Variants in MED14 observed in about 807,000 individuals in gnomAD.
MED14 encodes the protein mediator of RNA polymerase II transcription subunit 14.
MED14 carries 8 observed loss-of-function variants against 109.0 expected under a neutral mutation model. The ratio of observed to expected loss-of-function variants is 0.07; its 90% confidence interval spans 0.04 to 0.13. The LOEUF is 0.13. MED14 is among the 10% of genes least tolerant of loss of function. MED14 has a pLI of 1.00. For missense variants in MED14, 711 were observed against 1,142.4 expected (o/e 0.62, Z 5.44); for synonymous variants, 399 against 408.7 (o/e 0.98, Z 0.29).
At chrX:40,700,005 T>C (rs1361236040) in intron 12 of MED14, among the ~76,000 whole-genome samples, 2 of 109,276 alleles carry the variant, frequency 1.8e-5, no homozygotes, top group Non-Finnish European at 3.8e-5. Context: ...AAAAATTAGT[T>C]TGGCATGGTG....
At chrX:40,722,093 A>G (rs1931740283) in intron 3 of MED14, among the ~76,000 whole-genome samples, 1 of 111,565 alleles carries the variant, frequency 9.0e-6, no homozygotes, top group African/African-American at 3.3e-5. Context: ...GGAAAACAGG[A>G]CCTCACCAAA....
intron 8 of MED14, among the ~76,000 whole-genome samples, chrX:40,710,559 C>T (rs1931303979): frequency 8.9e-6 from 1 of 111,810 alleles, no homozygotes; most frequent in Admixed American, 9.5e-5. Context: ...AAGTTTTTAA[C>T]AGGCACAATT....
At chrX:40,729,167 C>T in intron 2 of MED14, 152 bp downstream of exon 2, 1 of 479,292 alleles carries the variant, frequency 2.1e-6, no homozygotes, top group South Asian at 3.6e-5. Context: ...TTACATTTCC[C>T]AGGACTCCCT....
chrX:40,657,974 A>G (rs1929118604), intron 28 of MED14, among the ~76,000 whole-genome samples: 1 of 109,117 alleles, frequency 9.2e-6, no homozygotes, highest in South Asian at 3.9e-4. Flanking sequence ...TTGTATTTTT[A>G]GTAGAGACGA....
In MED14 at chrX:40,680,881, T is replaced by C. The variant is rs1182371652; in HGVS notation, c.2487A>G (p.Gln829=). Residue 829 remains glutamine (Q), a synonymous_variant, in exon 20 of 31, where the codon CAA becomes CAG. Transcript: ENST00000324817. ...SISIQWNSIH[Q]KFHISLGTVG... is the part of the protein sequence containing the mutation. ...CAGTTCCCAAAGAAATGTGGAATTT[T>C]TGATGGATCGAATTCCATTGGATAC... is the stretch of plus-strand genomic sequence containing the variant. 1 of 1,194,029 alleles carries C rather than the reference T, an allele frequency of 8.4e-7. No homozygotes were observed. The highest frequency in any genetic ancestry group is 3.0e-5 in the East Asian group (1 of 33,686).
intron 2 of MED14, among the ~76,000 whole-genome samples, chrX:40,728,727 T>G (rs1042670335): frequency 4.5e-5 from 5 of 112,251 alleles, no homozygotes; most frequent in Non-Finnish European, 7.5e-5. Flanking sequence ...AACCAAAATG[T>G]TAACTATGTA....
In MED14 at chrX:40,711,207, C is replaced by A; in HGVS notation, c.984G>T (p.Arg328Ser). The change falls in exon 8 of 31, where the codon AGG (arginine) becomes AGT (serine). Residue 328 changes from arginine to serine, a missense_variant. Arg to Ser is a moderately radical substitution (Grantham distance 110). Coordinates refer to ENST00000324817, the MANE Select transcript of MED14 (RefSeq NM_004229.4). ...ERWGDLVQVE[R>S]YHAGKCLSLS... is the part of the protein sequence containing the mutation. ...GGGAGAGGCACTTTCCAGCATGATA[C>A]CTTTCCACCTGCACAAGGTCTCCCC... The A allele has an allele frequency of 8.3e-7, 1 of 1,211,102 alleles. No homozygotes were observed. Among genetic ancestry groups the A allele is most frequent in the Non-Finnish European group, 1.1e-6 (1 of 894,912 alleles).
chrX:40,652,015 A>C (rs1928897468), intron 30 of MED14, 136 bp from the exon 31 acceptor site: 2 of 620,866 alleles, frequency 3.2e-6, no homozygotes, highest in East Asian at 8.4e-5. Context: ...TTAACTGCCC[A>C]GATTATTGGG....
intron 7 of MED14, 123 bp downstream of exon 7, chrX:40,712,063 G>C (rs771193498): frequency 2.2e-6 from 1 of 450,848 alleles, no homozygotes; most frequent in Non-Finnish European, 3.9e-6. Context: ...ACCTCAAAAA[G>C]GGTGGGGGAG....
At chrX:40,717,624 G>C (rs1193387755) in intron 3 of MED14, among the ~76,000 whole-genome samples, 2 of 111,474 alleles carry the variant, frequency 1.8e-5, no homozygotes, top group South Asian at 3.8e-4. Flanking sequence ...CCGGGTTCAA[G>C]CAATTCTCCT....
intron 21 of MED14, among the ~76,000 whole-genome samples, chrX:40,676,563 T>C (rs1929915836): frequency 8.9e-6 from 1 of 111,954 alleles, no homozygotes; most frequent in South Asian, 3.7e-4. Context: ...TGAGATACTT[T>C]GGAACTGGCA....
chrX:40,708,915 T>TAA (rs1250984252), intron 10 of MED14, among the ~76,000 whole-genome samples: 2 of 112,230 alleles, frequency 1.8e-5, no homozygotes, highest in Non-Finnish European at 3.8e-5. Context: ...GAAAAAAGTT[T>TAA]AAAAATAAGG....
At position 40,666,797 on chromosome X, in the gene MED14, G is replaced by C. The variant is rs1363623608; in HGVS notation, c.3188C>G (p.Ala1063Gly). The C allele has an allele frequency of 8.4e-7, 1 of 1,194,695 alleles. No homozygotes were observed. Among genetic ancestry groups the C allele is most frequent in the Non-Finnish European group, 1.1e-6 (1 of 886,313 alleles). ...TGGGGGAGGAGTTGGAACAAATGACGCTGGTGATGGGGCTCTCAAAGCCCC... is the reference window on the plus strand; with the variant it reads ...TGGGGGAGGAGTTGGAACAAATGACCCTGGTGATGGGGCTCTCAAAGCCCC... Reference protein sequence around the residue: ...PSGALRAPSPASFVPTPPPSS... With the variant: ...PSGALRAPSPGSFVPTPPPSS... Residue 1063 changes from alanine to glycine, a missense_variant, in exon 24 of 31, where the codon GCG (alanine) becomes GGG (glycine). Ala to Gly is a moderately conservative substitution (Grantham distance 60). Transcript: ENST00000324817.
intron 16 of MED14, among the ~76,000 whole-genome samples, chrX:40,683,962 T>C (rs1453474940): frequency 8.9e-6 from 1 of 112,022 alleles, no homozygotes; most frequent in Non-Finnish European, 1.9e-5. Flanking sequence ...TAATATATTT[T>C]AGCTATTCAT....
chrX:40,706,692 A>C (rs1025498640), intron 10 of MED14, among the ~76,000 whole-genome samples: 1 of 112,083 alleles, frequency 8.9e-6, no homozygotes, highest in African/African-American at 3.2e-5. Flanking sequence ...ACCTAGGTGA[A>C]CAGCACACAA....
rs962169887 is a variant in MED14 at position 40,654,035 on chromosome X, A to C, written c.4291+329T>G. 2.5e-5 allele frequency: 5 copies of C among 201,456 alleles called. No homozygotes were observed. In the Admixed American group the frequency reaches 3.4e-4, roughly 14 times the overall value. The allele number at this position is 201,456 out of a possible 1,213,427, so 16.6% of individuals were successfully genotyped here. On this transcript the variant is annotated intron_variant, in intron 30 of 30. Transcript: ENST00000324817. ...TATTGATGGTAGGGCAGGAATTCACAGCCGTGGAAAATTCTATCATCCTAA... is the reference window on the plus strand; with the variant it reads ...TATTGATGGTAGGGCAGGAATTCACCGCCGTGGAAAATTCTATCATCCTAA...
chrX:40,715,981 C>A (rs945418872), intron 3 of MED14, among the ~76,000 whole-genome samples: 7 of 110,162 alleles, frequency 6.4e-5, no homozygotes, highest in Non-Finnish European at 1.3e-4. Flanking sequence ...ACATAAGGAA[C>A]TCAACTCAAT....
At chrX:40,714,178 C>A (rs1417379772) in intron 4 of MED14, among the ~76,000 whole-genome samples, 1 of 111,741 alleles carries the variant, frequency 8.9e-6, no homozygotes, top group African/African-American at 3.3e-5. Context: ...TCCACAAGTT[C>A]TTACAAGTAT....
At chrX:40,681,017 AT>A (rs915902141) in intron 19 of MED14, 107 bp from the exon 20 acceptor site, 143 of 558,694 alleles carry the variant, frequency 2.6e-4, no homozygotes, top group African/African-American at 3.8e-4. Context: ...TCTAAATGGA[AT>A]TTTTTTTTGG....
Sources: gnomAD v4.1 joint callset for allele counts (sites outside exome capture counted in the v4.1 genomes callset) on GRCh38, gnomAD v4.1.1 for gene constraint, MANE v1.5 for transcripts, NCBI Gene and HGNC (gene_info 2026-07-23, HGNC 2026-07-21) for gene names.